Variants in NOTCH2 observed in about 807,000 individuals in gnomAD.
NOTCH2 encodes the protein notch receptor 2, also known as neurogenic locus notch homolog protein 2.
A neutral mutation model predicts 235.8 loss-of-function variants in NOTCH2; 29 were observed. The ratio of observed to expected loss-of-function variants is 0.12; its 90% confidence interval spans 0.09 to 0.17. The LOEUF is 0.17. NOTCH2 is among the 10% of genes least tolerant of loss of function. The pLI, the probability that NOTCH2 is intolerant of heterozygous loss-of-function variation, is 1.00. For missense variants in NOTCH2, 2,285 were observed against 3,150.2 expected, an observed-to-expected ratio of 0.73 and a Z score of 6.57; for synonymous variants, 1,086 against 1,141.5, an observed-to-expected ratio of 0.95 and a Z score of 0.98.
chr1:119,978,975 C>T (rs1046947993), intron 5 of NOTCH2, among the ~76,000 whole-genome samples: 3 of 152,142 alleles, frequency 2.0e-5, no homozygotes, highest in African/African-American at 7.2e-5. Context: ...ATGAAAAGCA[C>T]ACTGGGAAAA....
intron 2 of NOTCH2, among the ~76,000 whole-genome samples, chr1:120,026,099 CT>C (rs1653826593): frequency 1.5e-5 from 2 of 134,208 alleles, no homozygotes; most frequent in Non-Finnish European, 3.1e-5. Context: ...TGATAGGGTA[CT>C]TAGGCTCCTA....
chr1:120,017,901 G>A (rs1332577604), intron 2 of NOTCH2, among the ~76,000 whole-genome samples: 1 of 151,522 alleles, frequency 6.6e-6, no homozygotes, highest in Non-Finnish European at 1.5e-5. Context: ...CAGGGACCTG[G>A]AGCCCTGACT....
rs2101148236 is a variant in NOTCH2, at chr1:119,918,538, G to A, written c.5797C>T (p.Arg1933Ter). Residue 1933 changes from arginine (R) to a stop codon, truncating the protein, a stop_gained, in exon 32 of 34, where the codon CGA becomes TGA. Coordinates refer to ENST00000256646, the MANE Select transcript of NOTCH2 (RefSeq NM_024408.4). LOFTEE classifies it high-confidence loss of function. ...QGVFQILIRNRVTDLDARMND... is the reference protein window; with the variant it reads ...QGVFQILIRN ...ATCCTGGCATCTAGATCAGTTACTC[G>A]GTTGCGAATCAGAATCTAGAAGAGG... 1 of 1,614,076 alleles carries A rather than the reference G, an allele frequency of 6.2e-7. No homozygotes were observed. Among genetic ancestry groups the A allele is most frequent in the Non-Finnish European group, 8.5e-7 (1 of 1,180,004 alleles).
intron 17 of NOTCH2, among the ~76,000 whole-genome samples, chr1:119,946,060 T>C (rs181382269): frequency 6.2e-4 from 94 of 152,158 alleles, no homozygotes; most frequent in African/African-American, 2.1e-3. Flanking sequence ...ATAAAACAAA[T>C]TGATGTTATG....
chr1:120,023,120 C>T (rs1256950862), intron 2 of NOTCH2, among the ~76,000 whole-genome samples: 3 of 151,924 alleles, frequency 2.0e-5, no homozygotes, highest in Admixed American at 6.6e-5. Context: ...AGGACTCAAA[C>T]TTAAGTCTAT....
At chr1:120,028,936 A>C (rs1479944503) in intron 2 of NOTCH2, among the ~76,000 whole-genome samples, 1 of 152,090 alleles carries the variant, frequency 6.6e-6, no homozygotes, top group Non-Finnish European at 1.5e-5. Context: ...AAACCTAGAA[A>C]AGCTATTATG....
Position 119,937,869 on chromosome 1 carries a change from C to G in NOTCH2, c.3325G>C (p.Ala1109Pro), listed in dbSNP as rs2101099849. 6.2e-7 allele frequency: 1 copy of G among 1,614,196 alleles called. No individual in the cohort carries two copies. Among genetic ancestry groups the G allele is most frequent in the Non-Finnish European group, 8.5e-7 (1 of 1,180,036 alleles). ...DVPNVSCDIA[A>P]SRRGVLVEHL... is the part of the protein sequence containing the mutation. Reference sequence around the variant, plus strand: ...GAGCAAAGCTTACCTCTCCTGGAGGCTGCTATGTCACAAGAGACATTGGGC... The same window carrying G: ...GAGCAAAGCTTACCTCTCCTGGAGGGTGCTATGTCACAAGAGACATTGGGC... The change falls in exon 20 of 34, where the codon GCC becomes CCC. Residue 1109 changes from alanine (A) to proline (P), a missense_variant. This residue lies in a region of NOTCH2 where 1,173 missense variants were observed against 1,515.3 expected (regional missense o/e 0.77). Transcript: ENST00000256646.
chr1:119,935,231 G>T (rs1649805202), intron 22 of NOTCH2: 1 of 1,404,740 alleles, frequency 7.1e-7, no homozygotes, highest in Non-Finnish European at 9.3e-7. Flanking sequence ...TCCATATTCT[G>T]TGTTTCATGG....
intron 22 of NOTCH2, among the ~76,000 whole-genome samples, chr1:119,933,197 G>T (rs1553195377): frequency 6.6e-6 from 1 of 152,208 alleles, no homozygotes; most frequent in African/African-American, 2.4e-5. Flanking sequence ...CTGAAGCAAA[G>T]TAGTAGGAAG....
intron 24 of NOTCH2, 137 bp from the exon 25 acceptor site, chr1:119,925,947 G>C: frequency 9.4e-7 from 1 of 1,058,374 alleles, no homozygotes; most frequent in Non-Finnish European, 1.4e-6. Flanking sequence ...TTACTAGACA[G>C]GTTTCCTTTT....
At chr1:120,038,178 C>A (rs1464971762) in intron 1 of NOTCH2, among the ~76,000 whole-genome samples, 21 of 152,054 alleles carry the variant, frequency 1.4e-4, no homozygotes, top group African/African-American at 5.1e-4. Context: ...AATTTCAATA[C>A]CTGGATCTTG....
At chr1:120,015,009 T>TTAAA (rs1491192006) in intron 2 of NOTCH2, among the ~76,000 whole-genome samples, 4 of 109,106 alleles carry the variant, frequency 3.7e-5, no homozygotes, top group Non-Finnish European at 8.2e-5. Context: ...TTTTTTTTTT[T>TTAAA]AAAAACGAGG....
chr1:119,989,038 G>A (rs1652127100), intron 4 of NOTCH2, among the ~76,000 whole-genome samples: 1 of 152,142 alleles, frequency 6.6e-6, no homozygotes, highest in African/African-American at 2.4e-5. Context: ...CCTGTCAATA[G>A]GTAGATAGGT....
intron 2 of NOTCH2, among the ~76,000 whole-genome samples, chr1:120,017,330 C>T (rs1653485095): frequency 6.6e-6 from 1 of 151,528 alleles, no homozygotes; most frequent in Non-Finnish European, 1.5e-5. Flanking sequence ...TTCATTAAGT[C>T]TCAACTTAAA....
intron 20 of NOTCH2, 22 bp from the exon 21 acceptor site, chr1:119,937,488 A>G (rs782503823): frequency 6.2e-7 from 1 of 1,608,638 alleles, no homozygotes; most frequent in African/African-American, 1.3e-5. Context: ...AGTGAGGGAG[A>G]AATGTCATAG....
chr1:119,943,449 T>C (rs1650138022), intron 17 of NOTCH2, among the ~76,000 whole-genome samples: 1 of 152,142 alleles, frequency 6.6e-6, no homozygotes, highest in African/African-American at 2.4e-5. Flanking sequence ...TGGCAGTAAG[T>C]AGAGTCCTGA....
At position 119,967,630 on chromosome 1, in the gene NOTCH2, C is replaced by A; in HGVS notation, c.1265-9G>T. On this transcript the variant is annotated splice_polypyrimidine_tract_variant and intron_variant, in intron 7 of 33. Coordinates refer to ENST00000256646, the MANE Select transcript of NOTCH2 (RefSeq NM_024408.4). ...ACAAGGATTGCTATTGGCTGAAAGACACAAGTACCAATTACTGGGATCAAA... is the reference window on the plus strand; with the variant it reads ...ACAAGGATTGCTATTGGCTGAAAGAAACAAGTACCAATTACTGGGATCAAA... 6.2e-7 allele frequency: 1 copy of A among 1,613,550 alleles called. No homozygotes were observed. Among genetic ancestry groups the A allele is most frequent in the Non-Finnish European group, 8.5e-7 (1 of 1,179,510 alleles).
chr1:119,950,720 C>G lies in NOTCH2; in HGVS notation c.2479+4G>C. 6.3e-7 allele frequency: 1 copy of G among 1,595,904 alleles called. No homozygotes were observed. Among genetic ancestry groups the G allele is most frequent in the Non-Finnish European group, 8.6e-7 (1 of 1,163,458 alleles). On this transcript the variant is annotated splice_donor_region_variant and intron_variant, in intron 15 of 33. Coordinates refer to ENST00000256646, the MANE Select transcript of NOTCH2 (RefSeq NM_024408.4). ...TGGTCCCTGCTGGTACCTCCAGGAC[C>G]CACCTGTGTATGGCAGCACACAGTG... is the stretch of plus-strand genomic sequence containing the variant.
At chr1:119,965,407 G>A (rs1553199530) in intron 10 of NOTCH2, 46 bp downstream of exon 10, 1 of 1,413,450 alleles carries the variant, frequency 7.1e-7, no homozygotes, top group East Asian at 2.3e-5. Flanking sequence ...ACCCTATTTT[G>A]TTCAGATGGA....
Sources: gnomAD v4.1 joint callset for allele counts (sites outside exome capture counted in the v4.1 genomes callset) on GRCh38, gnomAD v4.1.1 for gene constraint, gnomAD v4.1.1 regional missense constraint, MANE v1.5 for transcripts, NCBI Gene and HGNC (gene_info 2026-07-23, HGNC 2026-07-21) for gene names.